MMP2: variants seen among roughly 807,000 people sequenced by gnomAD.
MMP2 encodes matrix metallopeptidase 2, also known as 72 kDa type IV collagenase.
MMP2 carries 39 observed loss-of-function variants against 74.8 expected under a neutral mutation model. The observed-to-expected ratio is 0.52, with a 90% CI of 0.40 to 0.68. The LOEUF (loss-of-function observed/expected upper bound fraction) is 0.68. MMP2 is among the 30% of genes least tolerant of loss of function. The pLI, the probability that MMP2 is intolerant of heterozygous loss-of-function variation, is 0.00. For missense variants in MMP2, 803 were observed against 878.3 expected, an observed-to-expected ratio of 0.91 and a Z score of 1.08; for synonymous variants, 367 against 339.8, an observed-to-expected ratio of 1.08 and a Z score of -0.88.
chr16:55,490,369 A>G lies in MMP2; in HGVS notation c.1180+545A>G, dbSNP rs982416935. 5.3e-5 allele frequency among the ~76,000 whole-genome samples: 8 copies of G among 152,168 alleles called. 1 individual carries two copies. The South Asian group carries it at 1.4e-3, about 28-fold the overall frequency. On this transcript the variant is annotated intron_variant, in intron 7 of 12. Transcript: ENST00000219070. ...CCTCTCTCCCCCATCAGTCAGCACC[A>G]TCTGTTACCAGGGTGTAAATGGTGG...
At chr16:55,487,260 T>G (rs1223433937) in intron 5 of MMP2, 1 of 152,148 alleles carries the variant, frequency 6.6e-6, no homozygotes. Context: ...GAGGCAGAGA[T>G]TGTTGTTACT....
chr16:55,494,599 G>C (rs17859956), intron 9 of MMP2, among the ~76,000 whole-genome samples: 2,248 of 152,280 alleles, frequency 0.015, 67 homozygotes, highest in African/African-American at 0.052. Flanking sequence ...GTATTAAAAG[G>C]TGGGTTTTCT....
At chr16:55,497,643 G>A (rs1962562618) in intron 10 of MMP2, among the ~76,000 whole-genome samples, 1 of 152,104 alleles carries the variant, frequency 6.6e-6, no homozygotes, top group Non-Finnish European at 1.5e-5. Context: ...AATAGTACAG[G>A]GAGCCCCTAG....
chr16:55,484,308 T>C, intron 3 of MMP2, 144 bp downstream of exon 3: 2 of 940,816 alleles, frequency 2.1e-6, no homozygotes, highest in Non-Finnish European at 3.2e-6. Flanking sequence ...GTGGTTTAGA[T>C]GGGGGCAGCA....
chr16:55,496,985 C>T lies in MMP2; in HGVS notation c.1532C>T (p.Thr511Ile), dbSNP rs1203473529. ...DKPMGPLLVATFWPELPEKID... is the reference protein window; with the variant it reads ...DKPMGPLLVAIFWPELPEKID... ...CCCATGGGGCCCCTGCTGGTGGCCACATTCTGGCCTGAGCTCCCGGAAAAG... is the reference window on the plus strand; with the variant it reads ...CCCATGGGGCCCCTGCTGGTGGCCATATTCTGGCCTGAGCTCCCGGAAAAG... The change falls in exon 10 of 13, where the codon ACA (threonine) becomes ATA (isoleucine). Residue 511 changes from threonine (T) to isoleucine (I), a missense_variant. Coordinates refer to ENST00000219070, the MANE Select transcript of MMP2 (RefSeq NM_004530.6). The T allele has an allele frequency of 2.5e-6, 4 of 1,614,084 alleles. No individual in the cohort carries two copies. The East Asian group carries it at 6.7e-5, about 27-fold the overall frequency.
At chr16:55,485,875 T>A in intron 5 of MMP2, 98 bp downstream of exon 5, 1 of 1,281,624 alleles carries the variant, frequency 7.8e-7, no homozygotes, top group Non-Finnish European at 1.1e-6. Context: ...CAGGACTGGC[T>A]GCCACTGCCA....
In MMP2 at chr16:55,479,632, G is replaced by A; in HGVS notation, c.153G>A (p.Val51=). 1 of 1,613,774 alleles carries A rather than the reference G, an allele frequency of 6.2e-7. No homozygotes were observed. The highest frequency in any genetic ancestry group is 8.5e-7 in the Non-Finnish European group (1 of 1,180,004). The change falls in exon 1 of 13, where the codon GTG becomes GTA. Residue 51 remains valine, a splice_region_variant and synonymous_variant. Transcript: ENST00000219070. ...CCAAAACGGACAAAGAGTTGGCAGTGGTGAGTTGCTGCGCTGGCCTCAAGG... is the reference window on the plus strand; with the variant it reads ...CCAAAACGGACAAAGAGTTGGCAGTAGTGAGTTGCTGCGCTGGCCTCAAGG... ...VAPKTDKELA[V]QYLNTFYGCP... is the part of the protein sequence containing the mutation.
In MMP2 at chr16:55,479,446, C is replaced by T; in HGVS notation, c.-34C>T. The T allele has an allele frequency of 6.8e-7, 1 of 1,464,744 alleles. No homozygotes were observed. Among genetic ancestry groups the T allele is most frequent in the Non-Finnish European group, 9.0e-7 (1 of 1,112,744 alleles). 90.7% of individuals were successfully genotyped at this position (1,464,744 alleles called of 1,614,324 possible). Reference sequence around the variant, plus strand: ...CGGCCACACGCACCGAGCCAGCGACCCCCGGGCGACGCGCGGGGCCAGGGA... The same window carrying T: ...CGGCCACACGCACCGAGCCAGCGACTCCCGGGCGACGCGCGGGGCCAGGGA... On this transcript the variant is annotated 5_prime_UTR_variant, in exon 1 of 13. Coordinates refer to ENST00000219070, the MANE Select transcript of MMP2 (RefSeq NM_004530.6).
At chr16:55,496,030 G>A (rs1962521235) in intron 9 of MMP2, among the ~76,000 whole-genome samples, 1 of 152,218 alleles carries the variant, frequency 6.6e-6, no homozygotes, top group Non-Finnish European at 1.5e-5. Flanking sequence ...ATCAGTAACA[G>A]TGCTAGGGAA....
At chr16:55,482,150 C>T (rs1017743824) in intron 1 of MMP2, among the ~76,000 whole-genome samples, 1 of 152,166 alleles carries the variant, frequency 6.6e-6, no homozygotes, top group African/African-American at 2.4e-5. Context: ...GGGCTTGGTA[C>T]ATGGTAGGTA....
chr16:55,485,846 C>T, intron 5 of MMP2, 69 bp downstream of exon 5: 1 of 1,518,086 alleles, frequency 6.6e-7, no homozygotes, highest in Non-Finnish European at 9.1e-7. Context: ...CCCCAGTGTG[C>T]TCTTCCCTCC....
At chr16:55,504,557 T>C (rs1034649206) in intron 12 of MMP2, among the ~76,000 whole-genome samples, 6 of 152,212 alleles carry the variant, frequency 3.9e-5, no homozygotes, top group African/African-American at 1.2e-4. Flanking sequence ...ATTTCCCTTC[T>C]TCCACTCCCA....
chr16:55,493,094 G>T (rs1320719119), intron 8 of MMP2, 64 bp from the exon 9 acceptor site: 2 of 1,601,136 alleles, frequency 1.2e-6, no homozygotes, highest in East Asian at 2.2e-5. Context: ...CACCCCTGGG[G>T]GCTCACCCTA....
rs773564814 is a variant in MMP2, at chr16:55,484,117, G to A, written c.482G>A (p.Arg161Gln). The change falls in exon 3 of 13, where the codon CGA (arginine) becomes CAA (glutamine). Residue 161 changes from arginine (R) to glutamine (Q), a missense_variant. Arg to Gln is a conservative substitution (Grantham distance 43). Transcript: ENST00000219070. Reference protein sequence around the residue: ...WSDVTPLRFSRIHDGEADIMI... With the variant: ...WSDVTPLRFSQIHDGEADIMI... ...GATGTGACCCCACTGCGGTTTTCTC[G>A]AATCCATGATGGAGAGGCAGACATC... 1.1e-5 allele frequency: 18 copies of A among 1,614,062 alleles called. No individual in the cohort carries two copies. The highest frequency in any genetic ancestry group is 2.2e-5 in the East Asian group (1 of 44,888).
chr16:55,486,347 C>CTG (rs57608135), intron 5 of MMP2, among the ~76,000 whole-genome samples: 13,682 of 137,442 alleles, frequency 0.1, 750 homozygotes, highest in Non-Finnish European at 0.11. Context: ...GTGTGTGTGC[C>CTG]TGTGTGTGTG....
chr16:55,493,220 G>A lies in MMP2; in HGVS notation c.1399G>A (p.Glu467Lys). 1 of 1,614,100 alleles carries A rather than the reference G, an allele frequency of 6.2e-7. No homozygotes were observed. Among genetic ancestry groups the A allele is most frequent in the Non-Finnish European group, 8.5e-7 (1 of 1,180,024 alleles). ...CCCCACGCTGGGCCCTGTCACTCCT[G>A]AGATCTGCAAACAGGACATTGTATT... The part of the protein sequence containing the change: ...PTPTLGPVTP[E>K]ICKQDIVFDG... Residue 467 changes from glutamate (E) to lysine (K), a missense_variant, in exon 9 of 13, where the codon GAG (glutamate) becomes AAG (lysine). Physicochemically the swap from Glu to Lys is moderately conservative, Grantham distance 56. Transcript: ENST00000219070.
chr16:55,483,923 A>T, intron 2 of MMP2, 93 bp from the exon 3 acceptor site: 1 of 1,419,696 alleles, frequency 7.0e-7, no homozygotes, highest in East Asian at 2.3e-5. Context: ...ACACACTCAA[A>T]CTTTTTCATA....
chr16:55,496,788 A>G (rs1295421711), intron 9 of MMP2, 138 bp from the exon 10 acceptor site: 1 of 1,209,858 alleles, frequency 8.3e-7, no homozygotes, highest in Non-Finnish European at 1.2e-6. Flanking sequence ...TCCTTCTCCA[A>G]CCTTCCTTTG....
chr16:55,505,360 G>T lies in MMP2; in HGVS notation c.1901G>T (p.Gly634Val), dbSNP rs1962773197. The T allele has an allele frequency of 6.2e-7, 1 of 1,614,056 alleles. No homozygotes were observed. Among genetic ancestry groups the T allele is most frequent in the Non-Finnish European group, 8.5e-7 (1 of 1,179,942 alleles). The stretch of plus-strand genomic sequence containing the variant: ...CCAGGTCACAGCTACTTCTTCAAGG[G>T]TGCCTATTACCTGAAGCTGGAGAAC... ...QGGGHSYFFK[G>V]AYYLKLENQS... The change falls in exon 13 of 13, where the codon GGT (glycine) becomes GTT (valine). Residue 634 changes from glycine to valine, a missense_variant. Transcript: ENST00000219070.
Sources: allele counts gnomAD v4.1 joint callset (sites outside exome capture counted in the v4.1 genomes callset), GRCh38; gene constraint gnomAD v4.1.1; transcripts MANE v1.5; gene names NCBI Gene and HGNC (gene_info 2026-07-23, HGNC 2026-07-21).